ASB4: variants seen among roughly 807,000 people sequenced by gnomAD.
The protein encoded by ASB4 is ankyrin repeat and SOCS box protein 4.
In ASB4, 35 loss-of-function variants were observed where a neutral mutation model predicts 38.6. That is an observed-to-expected ratio of 0.91 (90% CI 0.69 to 1.20). ASB4 has a LOEUF of 1.20. Ranked by LOEUF, ASB4 falls within the 50% of genes most tolerant of loss-of-function variation. ASB4 has a pLI of 0.00. For synonymous variants in ASB4, 195 were observed against 201.3 expected (o/e 0.97, Z 0.26); for missense variants, 557 against 527.2 (o/e 1.06, Z -0.55).
chr7:95,506,948 A>G (rs575125970), intron 2 of ASB4, among the ~76,000 whole-genome samples: 2 of 151,362 alleles, frequency 1.3e-5, no homozygotes, highest in Non-Finnish European at 2.9e-5. Flanking sequence ...CGTCTCTCCT[A>G]TTTTATGTTT....
At position 95,515,336 on chromosome 7, in the gene ASB4, T is replaced by TTCCTTC. The variant is rs1188226158; in HGVS notation, c.488-12477_488-12476insTCCTTC. 4.6e-3 allele frequency among the ~76,000 whole-genome samples: 428 copies of TTCCTTC among 92,424 alleles called. 8 individuals are homozygous for TTCCTTC. Among genetic ancestry groups the TTCCTTC allele is most frequent in the South Asian group, 0.018 (43 of 2,442 alleles). 60.6% of individuals were successfully genotyped at this position (92,424 alleles called of 152,430 possible). On this transcript the variant is annotated intron_variant, in intron 2 of 4. Coordinates refer to ENST00000325885, the MANE Select transcript of ASB4 (RefSeq NM_016116.3). ...TTCTTTCTTCCTTCCTTCCTTCCTTTCTTTCTTTCTTTCTTTTTCTTTCTT... is the reference window on the plus strand; with the variant it reads ...TTCTTTCTTCCTTCCTTCCTTCCTTTTCCTTCCTTTCTTTCTTTCTTTTTCTTTCTT...
intron 2 of ASB4, among the ~76,000 whole-genome samples, chr7:95,524,062 C>T (rs1790699977): frequency 6.6e-6 from 1 of 152,274 alleles, no homozygotes; most frequent in Admixed American, 6.5e-5. Context: ...GCTGGTACAA[C>T]TGCTTATTTG....
At chr7:95,542,221 T>G (rs923009138), downstream of ASB4, 1 of 152,206 alleles carries the variant, frequency 6.6e-6, no homozygotes, top group Admixed American at 6.5e-5. Flanking sequence ...GGTTTATTTG[T>G]TTTTATTTAG....
At chr7:95,503,891 A>G (rs1476631468) in intron 2 of ASB4, among the ~76,000 whole-genome samples, 1 of 151,964 alleles carries the variant, frequency 6.6e-6, no homozygotes, top group Non-Finnish European at 1.5e-5. Context: ...ATTTTCCCCT[A>G]TTTTTTCAGT....
rs887207545 is a variant in ASB4 at position 95,531,542 on chromosome 7, G to A, written c.978+3239G>A. The stretch of plus-strand genomic sequence containing the variant: ...ATAGCATTTGAGAAGTGGTTAGCAC[G>A]GTGCCATGGGCATGGTAACCATTAA... On this transcript the variant is annotated intron_variant, in intron 3 of 4. Transcript: ENST00000325885. Among the ~76,000 whole-genome samples the A allele has an allele frequency of 5.6e-4, 86 of 152,242 alleles. 1 individual carries two copies. Among genetic ancestry groups the A allele is most frequent in the African/African-American group, 2.0e-3 (85 of 41,544 alleles).
intron 2 of ASB4, among the ~76,000 whole-genome samples, chr7:95,502,257 A>G (rs1790349430): frequency 6.6e-6 from 1 of 152,200 alleles, no homozygotes; most frequent in South Asian, 2.1e-4. Context: ...GTAACATGTC[A>G]ATTAAAATGA....
At chr7:95,480,966 A>C (rs1023652535), upstream of ASB4, among the ~76,000 whole-genome samples, 1 of 152,202 alleles carries the variant, frequency 6.6e-6, no homozygotes, top group Non-Finnish European at 1.5e-5. Context: ...ATTAACCTGA[A>C]AAAAACCATA....
In ASB4 at chr7:95,496,044, A is replaced by G; in HGVS notation, c.474A>G (p.Gln158=). The G allele has an allele frequency of 1.9e-6, 3 of 1,612,776 alleles. No individual in the cohort carries two copies. Among genetic ancestry groups the G allele is most frequent in the South Asian group, 1.1e-5 (1 of 91,036 alleles). Residue 158 remains glutamine (Q), a synonymous_variant, in exon 2 of 5, where the codon CAA becomes CAG. Coordinates refer to ENST00000325885, the MANE Select transcript of ASB4 (RefSeq NM_016116.3). ...TTPSSILCAK[Q]LVWRGANVNM... ...CAAGTTCCATTCTCTGTGCCAAGCA[A>G]TTGGTTTGGAGAGGTAAGCCTTTCT...
At chr7:95,543,577 A>T (rs552515108), downstream of ASB4, 45 of 152,384 alleles carry the variant, frequency 3.0e-4, no homozygotes, top group African/African-American at 8.9e-4. Flanking sequence ...CTGTGACCTG[A>T]AGAGGGGTGG....
At chr7:95,518,021 G>T (rs997862449) in intron 2 of ASB4, among the ~76,000 whole-genome samples, 6 of 152,174 alleles carry the variant, frequency 3.9e-5, no homozygotes, top group Non-Finnish European at 7.4e-5. Context: ...AAAGAGGAAG[G>T]TGTTGGTCTT....
At chr7:95,531,985 G>T (rs1790825283) in intron 3 of ASB4, among the ~76,000 whole-genome samples, 1 of 152,140 alleles carries the variant, frequency 6.6e-6, no homozygotes, top group African/African-American at 2.4e-5. Flanking sequence ...TTGGCTACTG[G>T]TAGATGGCTG....
upstream of ASB4, among the ~76,000 whole-genome samples, chr7:95,482,699 G>T (rs1003974785): frequency 6.6e-6 from 1 of 152,162 alleles, no homozygotes; most frequent in Non-Finnish European, 1.5e-5. Context: ...CTGACGTAGG[G>T]AGAAAAAGAA....
At chr7:95,529,405 G>A (rs1425680859) in intron 3 of ASB4, among the ~76,000 whole-genome samples, 7 of 152,202 alleles carry the variant, frequency 4.6e-5, no homozygotes, top group Admixed American at 2.0e-4. Flanking sequence ...TAAGTTCTAC[G>A]TCTTACCTGG....
upstream of ASB4, among the ~76,000 whole-genome samples, chr7:95,475,284 T>G (rs751030770): frequency 7.2e-5 from 11 of 152,200 alleles, no homozygotes; most frequent in South Asian, 6.2e-4. Context: ...TTTCCTTACA[T>G]AGTCCCTCCC....
chr7:95,514,329 T>C (rs1294841286), intron 2 of ASB4, among the ~76,000 whole-genome samples: 2 of 152,220 alleles, frequency 1.3e-5, no homozygotes, highest in Non-Finnish European at 2.9e-5. Flanking sequence ...CACCATTCCC[T>C]GCCTACTATT....
At chr7:95,471,207 A>C in the ASB4 span, among the ~76,000 whole-genome samples, 1 of 152,182 alleles carries the variant, frequency 6.6e-6, no homozygotes, top group African/African-American at 2.4e-5. Flanking sequence ...CTACAGGAAA[A>C]AAGACGCACG....
Position 95,534,227 on chromosome 7 carries a change from C to T in ASB4, c.979-2210C>T, listed in dbSNP as rs192784779. 2.6e-5 allele frequency among the ~76,000 whole-genome samples: 4 copies of T among 152,020 alleles called. No homozygotes were observed. The East Asian group carries it at 7.7e-4, about 29-fold the overall frequency. On this transcript the variant is annotated intron_variant, in intron 3 of 4. Coordinates refer to ENST00000325885, the MANE Select transcript of ASB4 (RefSeq NM_016116.3). ...AGGAGTTGTGGCATGATTTGTAATCCCAGCTACTTGGGAGGTGAGGCAGGA... is the reference window on the plus strand; with the variant it reads ...AGGAGTTGTGGCATGATTTGTAATCTCAGCTACTTGGGAGGTGAGGCAGGA...
chr7:95,541,020 A>C (rs951914505), downstream of ASB4, among the ~76,000 whole-genome samples: 2 of 152,192 alleles, frequency 1.3e-5, no homozygotes, highest in East Asian at 1.9e-4. Flanking sequence ...GAATTCAACT[A>C]TTCACCCATT....
chr7:95,493,564 G>A (rs984268353), intron 1 of ASB4, among the ~76,000 whole-genome samples: 1 of 151,846 alleles, frequency 6.6e-6, no homozygotes, highest in African/African-American at 2.4e-5. Flanking sequence ...AGCTTATTTT[G>A]ATTTTATTTA....
Sources: gnomAD v4.1 joint callset for allele counts (sites outside exome capture counted in the v4.1 genomes callset) on GRCh38, gnomAD v4.1.1 for gene constraint, MANE v1.5 for transcripts, NCBI Gene and HGNC (gene_info 2026-07-23, HGNC 2026-07-21) for gene names.